CFDP1: variants seen among roughly 807,000 people sequenced by gnomAD.
CFDP1 encodes heterochromatin-stabilizing protein CFDP1.
CFDP1 carries 31 observed loss-of-function variants against 40.1 expected under a neutral mutation model. That is an observed-to-expected ratio of 0.77 (90% CI 0.58 to 1.04). The LOEUF is 1.04. Among genes scored for constraint, CFDP1 ranks in the 50% least tolerant of loss-of-function variants. The pLI, the probability that CFDP1 is intolerant of heterozygous loss-of-function variation, is 0.00. For synonymous variants in CFDP1, 167 were observed against 120.0 expected (o/e 1.39, Z -2.56); for missense variants, 423 against 343.4 (o/e 1.23, Z -1.83).
chr16:75,428,424 A>C (rs1335227837), intron 1 of CFDP1, among the ~76,000 whole-genome samples: 1 of 151,678 alleles, frequency 6.6e-6, no homozygotes, highest in Non-Finnish European at 1.5e-5. Flanking sequence ...GACCATCTTG[A>C]CCAACAAGGT....
intron 1 of CFDP1, among the ~76,000 whole-genome samples, chr16:75,426,398 G>A (rs1439148796): frequency 1.3e-5 from 2 of 151,776 alleles, no homozygotes; most frequent in African/African-American, 4.8e-5. Flanking sequence ...CTTTTACATA[G>A]GAAAATACAC....
At chr16:75,400,150 C>A (rs1597384926) in intron 4 of CFDP1, among the ~76,000 whole-genome samples, 1 of 149,206 alleles carries the variant, frequency 6.7e-6, no homozygotes, top group Admixed American at 6.7e-5. Context: ...GGCATCATGG[C>A]GTGCACCTGT....
At chr16:75,412,397 C>A in intron 3 of CFDP1, 138 bp downstream of exon 3, 1 of 736,840 alleles carries the variant, frequency 1.4e-6, no homozygotes. Context: ...AGCTTATTCT[C>A]CTACCACAGG....
rs182730415 is a variant in CFDP1, at chr16:75,350,051, C to A, written c.651-44869G>T. On this transcript the variant is annotated intron_variant, in intron 5 of 6. Transcript: ENST00000283882. ...TGTCCTTTATCAGATTGAGGAAGTT[C>A]CTTCTATTCTTAGTTTGCTAAGTGT... Among the ~76,000 whole-genome samples, 108 of 151,932 alleles carry A rather than the reference C, an allele frequency of 7.1e-4. 1 individual carries two copies. Among genetic ancestry groups the A allele is most frequent in the African/African-American group, 2.6e-3 (108 of 41,426 alleles).
intron 4 of CFDP1, among the ~76,000 whole-genome samples, chr16:75,403,906 C>T (rs1413417204): frequency 1.3e-5 from 2 of 151,908 alleles, no homozygotes; most frequent in South Asian, 2.1e-4. Context: ...CCGAAGTGGG[C>T]GTATCATTTG....
intron 5 of CFDP1, among the ~76,000 whole-genome samples, chr16:75,377,915 T>C (rs2151545065): frequency 1.3e-5 from 2 of 152,346 alleles, no homozygotes; most frequent in East Asian, 3.9e-4. Context: ...ACGCAGCAAC[T>C]TCGCTAGCAG....
At chr16:75,412,091 C>A in intron 3 of CFDP1, 139 bp from the exon 4 acceptor site, 1 of 843,054 alleles carries the variant, frequency 1.2e-6, no homozygotes, top group Admixed American at 3.4e-5. Context: ...TCTTGGCTCA[C>A]TGCAACCTCC....
intron 5 of CFDP1, among the ~76,000 whole-genome samples, chr16:75,323,227 TAAA>T (rs1270697879): frequency 7.0e-6 from 1 of 143,626 alleles, no homozygotes; most frequent in Non-Finnish European, 1.5e-5. Context: ...TTTTTAACGT[TAAA>T]AAAAAAAAAA....
At chr16:75,359,473 A>C (rs1227007722) in intron 5 of CFDP1, among the ~76,000 whole-genome samples, 1 of 152,220 alleles carries the variant, frequency 6.6e-6, no homozygotes, top group Non-Finnish European at 1.5e-5. Flanking sequence ...CTGAATTTTT[A>C]GCTAGTCTAT....
chr16:75,335,913 G>A (rs906093071), intron 5 of CFDP1, among the ~76,000 whole-genome samples: 3 of 152,010 alleles, frequency 2.0e-5, no homozygotes, highest in African/African-American at 4.8e-5. Flanking sequence ...GCAAGCAAGA[G>A]TAAAAAATAC....
chr16:75,427,344 G>A (rs997168032), intron 1 of CFDP1, among the ~76,000 whole-genome samples: 1 of 151,836 alleles, frequency 6.6e-6, no homozygotes, highest in Non-Finnish European at 1.5e-5. Flanking sequence ...TCCACCTCCT[G>A]GGTTCAAGCG....
At position 75,304,618 on chromosome 16, in the gene CFDP1, C is replaced by G. The variant is rs138256042; in HGVS notation, c.809+406G>C. 1.5e-4 allele frequency among the ~76,000 whole-genome samples: 23 copies of G among 152,314 alleles called. No individual in the cohort carries two copies. The East Asian group carries it at 4.4e-3, about 29-fold the overall frequency. ...AAAAAAATTCACAATAATGCAACAT[C>G]TAGGCATTCCATTGGCTCAGTTTTT... On this transcript the variant is annotated intron_variant, in intron 6 of 6. Transcript: ENST00000283882.
At chr16:75,394,853 G>T (rs2078983185) in intron 5 of CFDP1, 3 of 355,868 alleles carry the variant, frequency 8.4e-6, no homozygotes, top group African/African-American at 2.1e-5. Flanking sequence ...AAGAGACAGG[G>T]TCTTACTGTA....
At chr16:75,320,593 C>T (rs2078355915) in intron 5 of CFDP1, among the ~76,000 whole-genome samples, 1 of 152,216 alleles carries the variant, frequency 6.6e-6, no homozygotes, top group South Asian at 2.1e-4. Context: ...ACCCAGGGCT[C>T]CTCACCCCAG....
intron 5 of CFDP1, chr16:75,306,412 G>A (rs2078257656): frequency 6.6e-6 from 1 of 152,216 alleles, no homozygotes; most frequent in African/African-American, 2.4e-5. Context: ...TGAGCCAACA[G>A]GCCAACGTCC....
At chr16:75,328,254 G>A (rs1415579328) in intron 5 of CFDP1, among the ~76,000 whole-genome samples, 2 of 150,914 alleles carry the variant, frequency 1.3e-5, no homozygotes, top group Non-Finnish European at 3.0e-5. Context: ...AAAGCACTGG[G>A]ATTATAGGCG....
intron 5 of CFDP1, among the ~76,000 whole-genome samples, chr16:75,313,729 AAT>A (rs1264549264): frequency 1.3e-5 from 2 of 152,086 alleles, no homozygotes; most frequent in Non-Finnish European, 2.9e-5. Context: ...CAGAAAGCAA[AAT>A]ATCATCAAGC....
intron 5 of CFDP1, among the ~76,000 whole-genome samples, chr16:75,318,445 G>A (rs1362808979): frequency 1.7e-4 from 24 of 141,536 alleles, no homozygotes; most frequent in African/African-American, 4.4e-4. Context: ...TCACTCTGTC[G>A]CCCAGGCTGG....
chr16:75,344,959 AG>A (rs1443975630), intron 5 of CFDP1, among the ~76,000 whole-genome samples: 1 of 151,930 alleles, frequency 6.6e-6, no homozygotes, highest in African/African-American at 2.4e-5. Context: ...AAAGAAAAAA[AG>A]AAAGAACATT....
Sources: gnomAD v4.1 joint callset for allele counts (sites outside exome capture counted in the v4.1 genomes callset) on GRCh38, gnomAD v4.1.1 for gene constraint, MANE v1.5 for transcripts, NCBI Gene and HGNC (gene_info 2026-07-23, HGNC 2026-07-21) for gene names.